TMEM232: variants seen among roughly 807,000 people sequenced by gnomAD.
The protein encoded by TMEM232 is transmembrane protein 232.
Under a neutral mutation model 78.8 loss-of-function variants are expected in TMEM232, and 80 were observed. The ratio of observed to expected loss-of-function variants is 1.01; its 90% CI spans 0.85 to 1.22. The LOEUF is 1.22. Among genes scored for constraint, TMEM232 ranks in the 50% most tolerant of loss-of-function variants. The probability of loss-of-function intolerance (pLI) is 0.00; values close to 1 mark genes in which losing one functional copy is unlikely to be tolerated. For synonymous variants in TMEM232, 297 were observed against 254.3 expected (o/e 1.17, Z -1.60); for missense variants, 881 against 742.2 (o/e 1.19, Z -2.17).
At chr5:110,433,705 C>T (rs1382433611) in intron 12 of TMEM232, among the ~76,000 whole-genome samples, 1 of 151,436 alleles carries the variant, frequency 6.6e-6, no homozygotes, top group Non-Finnish European at 1.5e-5. Context: ...TTATCAAATG[C>T]ATTTGCTGAA....
chr5:110,404,709 C>T (rs929134158), intron 2 of TMEM232, among the ~76,000 whole-genome samples: 3 of 151,700 alleles, frequency 2.0e-5, no homozygotes, highest in East Asian at 1.9e-4. Flanking sequence ...TTCTAAGGGG[C>T]GAAAAAGGAA....
At position 110,606,216 on chromosome 5, in the gene TMEM232, AAAGCTTTC is replaced by A; in HGVS notation, c.966_973del (p.Leu322PhefsTer26). On this transcript the variant is annotated frameshift_variant, in exon 9 of 14. Transcript: ENST00000455884. LOFTEE classifies it high-confidence loss of function. ...AACAAAATCTCTCACTACGTCCATT[AAAGCTTTC>A]AAGCAGGCCATGTTTAATTTGGCAG... 5 of 1,546,360 alleles carry A rather than the reference AAAGCTTTC, an allele frequency of 3.2e-6. No individual in the cohort carries two copies. In the Admixed American group the frequency reaches 9.8e-5, roughly 30 times the overall value.
At chr5:110,546,380 A>T (rs1010859922) in intron 11 of TMEM232, among the ~76,000 whole-genome samples, 4 of 152,100 alleles carry the variant, frequency 2.6e-5, no homozygotes, top group African/African-American at 9.7e-5. Flanking sequence ...TTATCATATA[A>T]ATTGCATATT....
At chr5:110,687,537 T>G (rs1470215874) in intron 1 of TMEM232, among the ~76,000 whole-genome samples, 4 of 152,162 alleles carry the variant, frequency 2.6e-5, no homozygotes, top group African/African-American at 9.7e-5. Flanking sequence ...ACAACCTTAT[T>G]GCCAATAAAA....
chr5:110,623,270 T>G (rs149174296), intron 7 of TMEM232, among the ~76,000 whole-genome samples: 3 of 152,108 alleles, frequency 2.0e-5, no homozygotes, highest in Admixed American at 2.0e-4. Context: ...TAATATCCTA[T>G]AAAACTTTCA....
chr5:110,612,552 A>G (rs183612796), intron 8 of TMEM232, among the ~76,000 whole-genome samples: 2 of 152,266 alleles, frequency 1.3e-5, no homozygotes, highest in East Asian at 3.9e-4. Context: ...AATAATGTGG[A>G]TATCAGTGAT....
intron 12 of TMEM232, among the ~76,000 whole-genome samples, chr5:110,473,979 G>A (rs1023770795): frequency 1.0e-4 from 15 of 149,014 alleles, no homozygotes; most frequent in African/African-American, 3.2e-4. Flanking sequence ...GGCTGGGGGT[G>A]GGGGAGAGTA....
chr5:110,446,637 C>T (rs947452806), intron 12 of TMEM232, among the ~76,000 whole-genome samples: 1 of 152,116 alleles, frequency 6.6e-6, no homozygotes, highest in African/African-American at 2.4e-5. Context: ...GTCTAAACCA[C>T]TAAGAATCCC....
At chr5:110,580,027 A>C (rs1378821898) in intron 10 of TMEM232, among the ~76,000 whole-genome samples, 1 of 151,722 alleles carries the variant, frequency 6.6e-6, no homozygotes, top group Non-Finnish European at 1.5e-5. Flanking sequence ...TATACAGAAA[A>C]AAGAAACAGG....
intron 5 of TMEM232, among the ~76,000 whole-genome samples, chr5:110,631,048 C>G (rs1359130283): frequency 6.6e-6 from 1 of 152,090 alleles, no homozygotes; most frequent in Non-Finnish European, 1.5e-5. Flanking sequence ...GCTGCATCCT[C>G]CCTTTAGAAA....
intron 11 of TMEM232, among the ~76,000 whole-genome samples, chr5:110,529,040 C>T (rs1380960736): frequency 1.3e-5 from 2 of 152,016 alleles, no homozygotes; most frequent in African/African-American, 4.8e-5. Context: ...GTGAAATAAA[C>T]ATTAATGCAT....
chr5:110,499,278 T>C (rs905293302), intron 12 of TMEM232, among the ~76,000 whole-genome samples: 3 of 152,186 alleles, frequency 2.0e-5, no homozygotes, highest in Non-Finnish European at 4.4e-5. Context: ...TAATAAAGCC[T>C]GTTGTCTACA....
intron 12 of TMEM232, among the ~76,000 whole-genome samples, chr5:110,496,481 T>C (rs1256536167): frequency 6.6e-6 from 1 of 152,038 alleles, no homozygotes; most frequent in Non-Finnish European, 1.5e-5. Flanking sequence ...TCGTGTGGTA[T>C]AATGACTACA....
At position 110,627,720 on chromosome 5, in the gene TMEM232, T is replaced by C. The variant is rs1313956952; in HGVS notation, c.601+61A>G. Reference sequence around the variant, plus strand: ...CAGCTTACGTTCTTTATAGTGACAGTCTGAGCTTATCAAAATATAACATAA... The same window carrying C: ...CAGCTTACGTTCTTTATAGTGACAGCCTGAGCTTATCAAAATATAACATAA... On this transcript the variant is annotated intron_variant, in intron 6 of 13. Coordinates refer to ENST00000455884, the MANE Select transcript of TMEM232 (RefSeq NM_001039763.4). 6 of 1,163,892 alleles carry C rather than the reference T, an allele frequency of 5.2e-6. No homozygotes were observed. In the East Asian group the frequency reaches 1.1e-4, roughly 21 times the overall value. The allele number at this position is 1,163,892 out of a possible 1,614,324, so 72.1% of individuals were successfully genotyped here.
At chr5:110,691,667 A>T (rs528511628) in intron 1 of TMEM232, among the ~76,000 whole-genome samples, 15 of 152,354 alleles carry the variant, frequency 9.8e-5, no homozygotes, top group Middle Eastern at 3.4e-3. Context: ...TCTATCAGAT[A>T]AAACACAAAG....
intron 2 of TMEM232, among the ~76,000 whole-genome samples, chr5:110,406,101 T>C (rs1755779549): frequency 1.3e-5 from 2 of 151,896 alleles, no homozygotes; most frequent in African/African-American, 2.4e-5. Context: ...TGCAAACCAG[T>C]AGACAGCTGA....
At chr5:110,632,996 T>G (rs1785331763) in intron 5 of TMEM232, among the ~76,000 whole-genome samples, 1 of 151,970 alleles carries the variant, frequency 6.6e-6, no homozygotes, top group Admixed American at 6.6e-5. Context: ...AGAAAAATCA[T>G]CTAGTCAGCC....
chr5:110,517,898 G>A (rs1356960076), intron 12 of TMEM232, among the ~76,000 whole-genome samples: 2 of 152,056 alleles, frequency 1.3e-5, no homozygotes, highest in Admixed American at 6.5e-5. Flanking sequence ...GACTTTTTGG[G>A]TCTTAACCCC....
At chr5:110,441,879 T>A (rs558928756) in intron 12 of TMEM232, among the ~76,000 whole-genome samples, 8 of 152,286 alleles carry the variant, frequency 5.3e-5, no homozygotes, top group Non-Finnish European at 1.0e-4. Flanking sequence ...TCACTAGATA[T>A]ACTATTCTAG....
Sources: gnomAD v4.1 joint callset for allele counts (sites outside exome capture counted in the v4.1 genomes callset) on GRCh38, gnomAD v4.1.1 for gene constraint, MANE v1.5 for transcripts, NCBI Gene and HGNC (gene_info 2026-07-23, HGNC 2026-07-21) for gene names.